Variants in GPT2 observed in about 807,000 individuals in gnomAD.
The protein encoded by GPT2 is glutamic--pyruvic transaminase 2.
GPT2 carries 30 observed loss-of-function variants against 56.9 expected under a neutral mutation model. The observed-to-expected ratio is 0.53, with a 90% CI of 0.39 to 0.72. The LOEUF (loss-of-function observed/expected upper bound fraction) is 0.72. GPT2 is among the 30% of genes least tolerant of loss of function. The probability of loss-of-function intolerance (pLI) is 0.00; values close to 1 mark genes in which losing one functional copy is unlikely to be tolerated. For synonymous variants in GPT2, 271 were observed against 283.1 expected, an observed-to-expected ratio of 0.96 and a Z score of 0.43; for missense variants, 542 against 703.4, an observed-to-expected ratio of 0.77 and a Z score of 2.60.
At chr16:46,890,832 C>G (rs775413130) in intron 2 of GPT2, among the ~76,000 whole-genome samples, 15 of 152,154 alleles carry the variant, frequency 9.9e-5, no homozygotes, top group Non-Finnish European at 1.9e-4. Flanking sequence ...CAGCAAATTT[C>G]AAGTAAAAAA....
chr16:46,905,418 A>T (rs1262938738), intron 4 of GPT2, among the ~76,000 whole-genome samples: 1 of 152,206 alleles, frequency 6.6e-6, no homozygotes, highest in Non-Finnish European at 1.5e-5. Flanking sequence ...GAGGCCCCAG[A>T]GGAGAATCTG....
intron 4 of GPT2, among the ~76,000 whole-genome samples, chr16:46,901,216 G>A (rs1960810969): frequency 6.6e-6 from 1 of 152,186 alleles, no homozygotes; most frequent in African/African-American, 2.4e-5. Context: ...GCAGCCAATT[G>A]CTAGGGAAGG....
intron 8 of GPT2, among the ~76,000 whole-genome samples, chr16:46,919,075 G>T (rs1356875633): frequency 6.6e-6 from 1 of 152,244 alleles, no homozygotes; most frequent in Non-Finnish European, 1.5e-5. Context: ...GTCAGGGAGG[G>T]CAGATAGAGC....
chr16:46,900,825 A>T, intron 4 of GPT2, 35 bp downstream of exon 4: 1 of 1,569,736 alleles, frequency 6.4e-7, no homozygotes, highest in African/African-American at 1.3e-5. Flanking sequence ...CTAGGCGTGA[A>T]ATGAATGAGT....
chr16:46,899,035 ATTT>A (rs1188592006), intron 3 of GPT2, among the ~76,000 whole-genome samples: 3 of 77,226 alleles, frequency 3.9e-5, no homozygotes, highest in African/African-American at 2.7e-4. Context: ...ATATATATAT[ATTT>A]TTTTTTTTTT....
intron 2 of GPT2, among the ~76,000 whole-genome samples, chr16:46,887,752 G>C (rs1447593505): frequency 6.6e-6 from 1 of 152,156 alleles, no homozygotes; most frequent in Non-Finnish European, 1.5e-5. Flanking sequence ...AATGTGGGCC[G>C]TTTGGCTGGA....
intron 6 of GPT2, among the ~76,000 whole-genome samples, chr16:46,911,253 G>A (rs1458347365): frequency 6.6e-6 from 1 of 152,114 alleles, no homozygotes; most frequent in African/African-American, 2.4e-5. Context: ...TTTCTGGGCC[G>A]CTGCCTTCAT....
At chr16:46,917,965 C>T (rs1470723377) in intron 7 of GPT2, among the ~76,000 whole-genome samples, 1 of 152,144 alleles carries the variant, frequency 6.6e-6, no homozygotes, top group Non-Finnish European at 1.5e-5. Context: ...GGCAATGGAG[C>T]CAGCTTGACC....
chr16:46,924,629 A>C, intron 10 of GPT2, 85 bp downstream of exon 10: 1 of 1,445,388 alleles, frequency 6.9e-7, no homozygotes, highest in Non-Finnish European at 9.6e-7. Context: ...CTTGGGGAGC[A>C]GAAGTGCTGG....
intron 4 of GPT2, among the ~76,000 whole-genome samples, chr16:46,901,683 C>T (rs1228708142): frequency 6.6e-6 from 1 of 152,290 alleles, no homozygotes; most frequent in South Asian, 2.1e-4. Context: ...GGAGTGGCCC[C>T]CCTTGTTGTC....
chr16:46,924,412 T>C lies in GPT2; in HGVS notation c.1236T>C (p.Asn412=), dbSNP rs1269884600. 1 of 1,614,178 alleles carries C rather than the reference T, an allele frequency of 6.2e-7. No homozygotes were observed. Among genetic ancestry groups the C allele is most frequent in the Non-Finnish European group, 8.5e-7 (1 of 1,180,028 alleles). Residue 412 remains asparagine, a synonymous_variant, in exon 10 of 12, where the codon AAT becomes AAC. Transcript: ENST00000340124. ...FSREKESVLG[N]LAKKAKLTED... Reference sequence around the variant, plus strand: ...AGGAGAAGGAGTCGGTCCTGGGTAATCTGGCCAAAAAAGCAAAGCTGACGG... The same window carrying C: ...AGGAGAAGGAGTCGGTCCTGGGTAACCTGGCCAAAAAAGCAAAGCTGACGG...
intron 2 of GPT2, among the ~76,000 whole-genome samples, chr16:46,889,088 G>A (rs958551895): frequency 1.3e-5 from 2 of 150,668 alleles, no homozygotes; most frequent in Admixed American, 6.6e-5. Flanking sequence ...GTGCAGTGGC[G>A]CAATCTCAGC....
intron 6 of GPT2, among the ~76,000 whole-genome samples, chr16:46,914,969 GT>G (rs1186309236): frequency 1.3e-5 from 2 of 152,080 alleles, no homozygotes; most frequent in Non-Finnish European, 2.9e-5. Flanking sequence ...CCAGGCTGGA[GT>G]GCAGTGGCAC....
chr16:46,919,623 G>A (rs953071810), intron 8 of GPT2, among the ~76,000 whole-genome samples: 1 of 152,242 alleles, frequency 6.6e-6, no homozygotes, highest in Non-Finnish European at 1.5e-5. Flanking sequence ...GTGGAGACCT[G>A]AGAATTATAG....
At chr16:46,924,172 C>G (rs2143558976) in intron 9 of GPT2, 4 of 625,286 alleles carry the variant, frequency 6.4e-6, no homozygotes, top group South Asian at 5.0e-5. Context: ...GTCGAAGGAA[C>G]AGACCACCCC....
intron 2 of GPT2, among the ~76,000 whole-genome samples, chr16:46,892,605 T>C (rs1960606506): frequency 6.6e-6 from 1 of 152,238 alleles, no homozygotes; most frequent in Admixed American, 6.5e-5. Context: ...CTTTGAACTT[T>C]TTATAATAAC....
intron 4 of GPT2, among the ~76,000 whole-genome samples, chr16:46,903,123 C>G (rs1358997489): frequency 6.6e-6 from 1 of 151,140 alleles, no homozygotes; most frequent in African/African-American, 2.4e-5. Context: ...ATGGCGGGTG[C>G]CTGTAATCCC....
chr16:46,892,988 G>A (rs1596861284), intron 2 of GPT2, among the ~76,000 whole-genome samples: 1 of 152,104 alleles, frequency 6.6e-6, no homozygotes. Flanking sequence ...CATCTTTACA[G>A]CCTCTATAGA....
intron 8 of GPT2, among the ~76,000 whole-genome samples, chr16:46,919,303 G>C (rs1000857796): frequency 5.9e-5 from 9 of 152,324 alleles, no homozygotes; most frequent in South Asian, 2.1e-4. Context: ...GTTCTAGTGA[G>C]GGGGGAGAGC....
Sources: allele counts gnomAD v4.1 joint callset (sites outside exome capture counted in the v4.1 genomes callset), GRCh38; gene constraint gnomAD v4.1.1; transcripts MANE v1.5; gene names NCBI Gene and HGNC (gene_info 2026-07-23, HGNC 2026-07-21).